Variants in POLN observed in about 807,000 individuals in gnomAD.
POLN encodes the protein DNA polymerase nu.
Under a neutral mutation model 113.5 loss-of-function variants are expected in POLN, and 108 were observed. The observed-to-expected ratio is 0.95, with a 90% CI of 0.81 to 1.12. The LOEUF (loss-of-function observed/expected upper bound fraction) is 1.12, where lower values mean the gene tolerates loss of function less well. Ranked by LOEUF, POLN falls within the 50% of genes most tolerant of loss-of-function variation. POLN has a pLI of 0.00. For missense variants in POLN, 1,097 were observed against 1,077.1 expected, an observed-to-expected ratio of 1.02 and a Z score of -0.26; for synonymous variants, 386 against 391.5, an observed-to-expected ratio of 0.99 and a Z score of 0.17.
intron 3 of POLN, among the ~76,000 whole-genome samples, chr4:2,226,407 G>T (rs1734395296): frequency 1.3e-5 from 2 of 152,228 alleles, no homozygotes; most frequent in Non-Finnish European, 2.9e-5. Flanking sequence ...AAATGCCCAT[G>T]ATTATGAAGT....
At chr4:2,169,146 A>C (rs990608553) in intron 13 of POLN, among the ~76,000 whole-genome samples, 1 of 152,126 alleles carries the variant, frequency 6.6e-6, no homozygotes, top group African/African-American at 2.4e-5. Flanking sequence ...CAGGCGCTGG[A>C]GTGGGGGGAG....
intron 23 of POLN, chr4:2,076,479 G>C (rs1730279169): frequency 6.6e-6 from 1 of 152,402 alleles, no homozygotes; most frequent in Admixed American, 6.5e-5. Flanking sequence ...TGTGCCCCCG[G>C]GAGGGGACGT....
Position 2,081,214 on chromosome 4 carries a change from G to A in POLN, c.2309-178C>T, listed in dbSNP as rs768207123. 72 of 1,551,934 alleles carry A rather than the reference G, an allele frequency of 4.6e-5. No homozygotes were observed. In the Admixed American group the frequency reaches 5.3e-4, roughly 11 times the overall value. ...CAGACACTTCGTCCTTGCTCCTCCC[G>A]CCCTCTTGCTCCTGCAGGGCACCTG... is the stretch of plus-strand genomic sequence containing the variant. On this transcript the variant is annotated intron_variant, in intron 22 of 25. Transcript: ENST00000511885.
intron 16 of POLN, among the ~76,000 whole-genome samples, chr4:2,133,375 C>T (rs753464431): frequency 2.6e-5 from 4 of 152,188 alleles, no homozygotes; most frequent in Non-Finnish European, 5.9e-5. Flanking sequence ...CCCATGTTTA[C>T]TGCAGCCCCG....
rs1408606580 is a variant in POLN at position 2,085,130 on chromosome 4, G to T, written c.2197+483C>A. On this transcript the variant is annotated intron_variant, in intron 21 of 25. Transcript: ENST00000511885. ...TTTTTTTAATCCTAAATTATTAGGAGTATCATCAACTTCCAAATAGGTAGG... is the reference window on the plus strand; with the variant it reads ...TTTTTTTAATCCTAAATTATTAGGATTATCATCAACTTCCAAATAGGTAGG... 2.0e-5 allele frequency among the ~76,000 whole-genome samples: 3 copies of T among 152,080 alleles called. No homozygotes were observed. The East Asian group carries it at 5.8e-4, about 29-fold the overall frequency.
At chr4:2,119,632 C>A (rs1422320853) in intron 19 of POLN, among the ~76,000 whole-genome samples, 8 of 152,112 alleles carry the variant, frequency 5.3e-5, no homozygotes. Context: ...GAAAACGTTA[C>A]TAAGTATTTC....
chr4:2,193,261 T>C lies in POLN; in HGVS notation c.964A>G (p.Lys322Glu). ...CKCPVICFNA[K>E]DFVRIVLQFF... Reference sequence around the variant, plus strand: ...TGCAGCACTATTCTCACAAAATCCTTAGCATTAAAACAAATAACAGGACAT... The same window carrying C: ...TGCAGCACTATTCTCACAAAATCCTCAGCATTAAAACAAATAACAGGACAT... Residue 322 changes from lysine (K) to glutamate (E), a missense_variant, in exon 7 of 26, where the codon AAG (lysine) becomes GAG (glutamate). Physicochemically the swap from Lys to Glu is moderately conservative, Grantham distance 56. Transcript: ENST00000511885. 1 of 1,610,974 alleles carries C rather than the reference T, an allele frequency of 6.2e-7. No individual in the cohort carries two copies. The highest frequency in any genetic ancestry group is 2.2e-5 in the East Asian group (1 of 44,706).
At chr4:2,107,843 G>A (rs930972228) in intron 19 of POLN, among the ~76,000 whole-genome samples, 5 of 152,146 alleles carry the variant, frequency 3.3e-5, no homozygotes, top group Admixed American at 3.3e-4. Context: ...GGACAGAGAG[G>A]AGCTACAATG....
chr4:2,231,985 T>A, intron 2 of POLN: 1 of 1,493,454 alleles, frequency 6.7e-7, no homozygotes, highest in South Asian at 1.2e-5. Context: ...CTCCACAATA[T>A]CTTTCAGATA....
At chr4:2,168,666 G>A (rs1024115310) in intron 13 of POLN, among the ~76,000 whole-genome samples, 2 of 152,242 alleles carry the variant, frequency 1.3e-5, no homozygotes, top group African/African-American at 4.8e-5. Context: ...GGACAGAGGT[G>A]AGCTCAGGTG....
intron 8 of POLN, chr4:2,177,134 TG>T: frequency 3.6e-6 from 1 of 277,278 alleles, no homozygotes; most frequent in Middle Eastern, 1.1e-3. Flanking sequence ...GACTGCCACC[TG>T]GCAGAATTCT....
At chr4:2,237,444 A>AGAAAGGGAAG (rs960020209) in intron 2 of POLN, among the ~76,000 whole-genome samples, 1 of 151,914 alleles carries the variant, frequency 6.6e-6, no homozygotes, top group Non-Finnish European at 1.5e-5. Flanking sequence ...TTAAAAGGAA[A>AGAAAGGGAAG]GAAAGGGAAG....
At chr4:2,096,714 GA>G in intron 19 of POLN, among the ~76,000 whole-genome samples, 1 of 151,814 alleles carries the variant, frequency 6.6e-6, no homozygotes, top group East Asian at 1.9e-4. Context: ...GAGAGAGAGA[GA>G]GAGAGAGAGA....
intron 20 of POLN, among the ~76,000 whole-genome samples, 167 bp downstream of exon 20, chr4:2,095,684 G>T (rs1730771403): frequency 6.6e-6 from 1 of 152,162 alleles, no homozygotes; most frequent in Admixed American, 6.5e-5. Flanking sequence ...GCAGGTCAAG[G>T]CATGGGGTGG....
At chr4:2,148,670 C>A (rs1324518879) in intron 16 of POLN, among the ~76,000 whole-genome samples, 1 of 62,632 alleles carries the variant, frequency 1.6e-5, no homozygotes, top group Admixed American at 1.5e-4. Context: ...CTGTCCCCCC[C>A]CCAAAAAAAA....
At chr4:2,172,512 G>C (rs1732889475) in intron 11 of POLN, among the ~76,000 whole-genome samples, 1 of 152,176 alleles carries the variant, frequency 6.6e-6, no homozygotes, top group Non-Finnish European at 1.5e-5. Context: ...TGTGTCTCCT[G>C]AATTGCAGTT....
chr4:2,152,536 G>A (rs1469030534), intron 16 of POLN, among the ~76,000 whole-genome samples: 1 of 151,176 alleles, frequency 6.6e-6, no homozygotes, highest in African/African-American at 2.4e-5. Flanking sequence ...TTGCTATGCT[G>A]CCCAGGCTAA....
intron 3 of POLN, among the ~76,000 whole-genome samples, chr4:2,218,466 G>T (rs1173759274): frequency 2.6e-5 from 4 of 150,952 alleles, no homozygotes; most frequent in Non-Finnish European, 4.4e-5. Flanking sequence ...GCACTAATTT[G>T]TCCTTTACTT....
intron 18 of POLN, among the ~76,000 whole-genome samples, 194 bp from the exon 19 acceptor site, chr4:2,128,421 G>C (rs1731638465): frequency 6.6e-6 from 1 of 152,218 alleles, no homozygotes; most frequent in South Asian, 2.1e-4. Flanking sequence ...TGCAAGGTGA[G>C]GAGGCTCAGG....
Sources: gnomAD v4.1 joint callset for allele counts (sites outside exome capture counted in the v4.1 genomes callset) on GRCh38, gnomAD v4.1.1 for gene constraint, MANE v1.5 for transcripts, NCBI Gene and HGNC (gene_info 2026-07-23, HGNC 2026-07-21) for gene names.